The following ANKS1B variants were observed in gnomAD, a reference collection of about 807,000 sequenced individuals.
ANKS1B encodes the protein ankyrin repeat and sterile alpha motif domain-containing protein 1B.
ANKS1B carries 36 observed loss-of-function variants against 148.3 expected under a neutral mutation model. The ratio of observed to expected loss-of-function variants is 0.24; its 90% confidence interval spans 0.19 to 0.32. ANKS1B has a LOEUF of 0.32. Ranked by LOEUF, ANKS1B falls within the 10% of genes least tolerant of loss-of-function variation. The pLI is 1.00. For missense variants in ANKS1B, 1,157 were observed against 1,542.6 expected (o/e 0.75, Z 4.19); for synonymous variants, 542 against 560.8 (o/e 0.97, Z 0.47).
chr12:99,082,661 T>TGACA (rs1177732927), intron 16 of ANKS1B, among the ~76,000 whole-genome samples: 1 of 152,122 alleles, frequency 6.6e-6, no homozygotes, highest in Non-Finnish European at 1.5e-5. Flanking sequence ...TAACCAAGGA[T>TGACA]GACAGACTGG....
At chr12:99,055,890 A>T (rs2099969421) in intron 16 of ANKS1B, among the ~76,000 whole-genome samples, 1 of 152,204 alleles carries the variant, frequency 6.6e-6, no homozygotes, top group African/African-American at 2.4e-5. Flanking sequence ...GAAAATAAAA[A>T]AATAAAATAA....
intron 8 of ANKS1B, among the ~76,000 whole-genome samples, chr12:99,676,849 C>A (rs571640409): frequency 6.6e-6 from 1 of 152,092 alleles, no homozygotes; most frequent in South Asian, 2.1e-4. Context: ...TACCACAGAT[C>A]CCTAAGACTA....
At chr12:98,806,129 C>T (rs1184146141) in intron 20 of ANKS1B, among the ~76,000 whole-genome samples, 1 of 152,190 alleles carries the variant, frequency 6.6e-6, no homozygotes, top group East Asian at 1.9e-4. Flanking sequence ...GCCTTGGCCT[C>T]CCAAAGTGCT....
At chr12:99,220,137 T>C (rs1421924772) in intron 14 of ANKS1B, among the ~76,000 whole-genome samples, 2 of 151,776 alleles carry the variant, frequency 1.3e-5, no homozygotes, top group African/African-American at 2.4e-5. Flanking sequence ...GTAGCTGAGA[T>C]TAAAGGTGCA....
At chr12:98,921,899 T>C (rs1446989898) in intron 17 of ANKS1B, among the ~76,000 whole-genome samples, 2 of 152,190 alleles carry the variant, frequency 1.3e-5, no homozygotes, top group African/African-American at 4.8e-5. Flanking sequence ...TGAACCAAAA[T>C]TCTGTACCTT....
At chr12:98,946,939 CAAA>C (rs57197334) in intron 17 of ANKS1B, among the ~76,000 whole-genome samples, 842 of 41,568 alleles carry the variant, frequency 0.02, 15 homozygotes, top group African/African-American at 0.066. Flanking sequence ...GATCTTTTCT[CAAA>C]AAAAAAAAAA....
intron 1 of ANKS1B, among the ~76,000 whole-genome samples, chr12:99,931,201 G>T (rs2094605631): frequency 6.6e-6 from 1 of 152,062 alleles, no homozygotes; most frequent in Non-Finnish European, 1.5e-5. Context: ...TGGGGTCGGG[G>T]GAGAGGGGAG....
chr12:99,603,231 A>C (rs1175348529), intron 9 of ANKS1B, among the ~76,000 whole-genome samples: 1 of 151,996 alleles, frequency 6.6e-6, no homozygotes, highest in African/African-American at 2.4e-5. Context: ...TGAAATTTTC[A>C]ATTAGGAATC....
At position 98,830,940 on chromosome 12, in the gene ANKS1B, A is replaced by ATTTTTTTTTTTTTTTTTTTTTTTT. The variant is rs762642387; in HGVS notation, c.2886+1065_2886+1088dup. ...GTTCTCTTTAGTTTCCTACCTCATA[A>ATTTTTTTTTTTTTTTTTTTTTTTT]TTTTTTTTTTTTTTTTTTTTTTTTT... On this transcript the variant is annotated intron_variant, in intron 18 of 26. Coordinates refer to ENST00000683438, the MANE Select transcript of ANKS1B (RefSeq NM_001352186.2). The ATTTTTTTTTTTTTTTTTTTTTTTT allele has an allele frequency of 1.5e-4, 7 of 45,548 alleles. 2 individuals carry two copies. The highest frequency in any genetic ancestry group is 2.3e-4 in the Non-Finnish European group (6 of 26,032). 2.8% of individuals were successfully genotyped at this position (45,548 alleles called of 1,614,324 possible). A position where few individuals can be genotyped will look rare whatever the true frequency, so the allele number is the denominator to read the frequency against.
rs768978108 is a variant in ANKS1B at position 99,084,997 on chromosome 12, A to C, written c.2553T>G (p.Asp851Glu). The C allele has an allele frequency of 6.2e-7, 1 of 1,609,760 alleles. No homozygotes were observed. The highest frequency in any genetic ancestry group is 8.5e-7 in the Non-Finnish European group (1 of 1,177,938). ...AATTAAGGATTCCAATTTCCAACAA[A>C]TCCTGATCTTCCATAACATTGCTTC... is the stretch of plus-strand genomic sequence containing the variant. ...FMGSNVMEDQ[D>E]LLEIGILNSG... Residue 851 changes from aspartate (D) to glutamate (E), a missense_variant, in exon 16 of 27, where the codon GAT becomes GAG. Around this residue, in one of 6 missense-constraint regions of ANKS1B, gnomAD observed 258 missense variants for 497.0 expected, o/e 0.52. Transcript: ENST00000683438.
intron 14 of ANKS1B, among the ~76,000 whole-genome samples, chr12:99,218,631 G>A (rs1179907569): frequency 6.6e-6 from 1 of 152,084 alleles, no homozygotes; most frequent in African/African-American, 2.4e-5. Context: ...TAAGATCTTG[G>A]GTTCTGGAAT....
intron 10 of ANKS1B, among the ~76,000 whole-genome samples, chr12:99,477,651 C>A (rs1267766625): frequency 4.6e-5 from 7 of 152,078 alleles, no homozygotes; most frequent in Non-Finnish European, 1.0e-4. Context: ...CAATGTCTGG[C>A]ACATTAAAAA....
chr12:99,047,173 G>A (rs1233595215), intron 17 of ANKS1B, among the ~76,000 whole-genome samples: 1 of 152,170 alleles, frequency 6.6e-6, no homozygotes, highest in Non-Finnish European at 1.5e-5. Context: ...GCCAAGGCAG[G>A]TGGATCACTT....
intron 14 of ANKS1B, among the ~76,000 whole-genome samples, chr12:99,193,111 C>T (rs1337660575): frequency 6.6e-6 from 1 of 152,120 alleles, no homozygotes; most frequent in Non-Finnish European, 1.5e-5. Context: ...TATTGCATAC[C>T]TTACACCTGC....
At chr12:99,717,879 G>C (rs914796613) in intron 8 of ANKS1B, among the ~76,000 whole-genome samples, 7 of 150,618 alleles carry the variant, frequency 4.6e-5, no homozygotes, top group African/African-American at 1.7e-4. Flanking sequence ...CCCAACTCTG[G>C]TGCCAACTTA....
At chr12:99,496,708 C>A (rs574184159) in intron 10 of ANKS1B, among the ~76,000 whole-genome samples, 4 of 148,390 alleles carry the variant, frequency 2.7e-5, no homozygotes, top group Non-Finnish European at 4.5e-5. Context: ...TTAAATTAAA[C>A]TAGTACATCT....
chr12:99,542,095 T>A (rs1379709943), intron 9 of ANKS1B, among the ~76,000 whole-genome samples: 2 of 152,052 alleles, frequency 1.3e-5, no homozygotes, highest in African/African-American at 4.8e-5. Context: ...ACAAACAGCA[T>A]CCAGATTGGA....
intron 17 of ANKS1B, among the ~76,000 whole-genome samples, chr12:99,020,476 A>G (rs1598542473): frequency 6.6e-6 from 1 of 152,158 alleles, no homozygotes; most frequent in East Asian, 1.9e-4. Context: ...ACAATTGACA[A>G]AATACTGCCC....
At chr12:99,130,170 T>C (rs1600647235) in intron 15 of ANKS1B, among the ~76,000 whole-genome samples, 1 of 152,366 alleles carries the variant, frequency 6.6e-6, no homozygotes, top group South Asian at 2.1e-4. Context: ...ATACTGATGG[T>C]TGCCATTTGC....
Sources: allele counts gnomAD v4.1 joint callset (sites outside exome capture counted in the v4.1 genomes callset), GRCh38; gene constraint gnomAD v4.1.1; regional missense constraint gnomAD v4.1.1; transcripts MANE v1.5; gene names NCBI Gene and HGNC (gene_info 2026-07-23, HGNC 2026-07-21).